ARFGEF1: variants seen among roughly 807,000 people sequenced by gnomAD.
The protein encoded by ARFGEF1 is brefeldin A-inhibited guanine nucleotide-exchange protein 1.
A neutral mutation model predicts 231.0 loss-of-function variants in ARFGEF1; 42 were observed. The ratio of observed to expected loss-of-function variants is 0.18; its 90% CI spans 0.14 to 0.24. ARFGEF1 has a LOEUF of 0.24. Among genes scored for constraint, ARFGEF1 ranks in the 10% least tolerant of loss-of-function variants. The pLI is 1.00. For missense variants in ARFGEF1, 1,345 were observed against 2,192.0 expected (o/e 0.61, Z 7.72); for synonymous variants, 710 against 732.3 (o/e 0.97, Z 0.49).
intron 22 of ARFGEF1, among the ~76,000 whole-genome samples, chr8:67,233,242 A>G (rs1030514249): frequency 6.6e-6 from 1 of 151,950 alleles, no homozygotes; most frequent in Admixed American, 6.6e-5. Context: ...ATTTCCCTTA[A>G]TGTTTAAAGA....
At chr8:67,275,862 T>A (rs1424883992) in intron 9 of ARFGEF1, 114 bp downstream of exon 9, 1 of 1,368,500 alleles carries the variant, frequency 7.3e-7, no homozygotes, top group Admixed American at 2.7e-5. Context: ...CCACCCAATT[T>A]TTTTTTATGG....
At chr8:67,268,889 T>G (rs543343023) in intron 10 of ARFGEF1, among the ~76,000 whole-genome samples, 2 of 152,284 alleles carry the variant, frequency 1.3e-5, no homozygotes, top group East Asian at 3.9e-4. Flanking sequence ...GCAACTTTCA[T>G]GAAAAGTCAG....
intron 7 of ARFGEF1, among the ~76,000 whole-genome samples, chr8:67,279,531 T>C (rs971904867): frequency 2.6e-5 from 4 of 152,186 alleles, no homozygotes; most frequent in Admixed American, 1.3e-4. Flanking sequence ...TCAGCTCGTG[T>C]TCATTTTCTT....
At chr8:67,279,034 T>A (rs1587201768) in intron 7 of ARFGEF1, among the ~76,000 whole-genome samples, 1 of 152,044 alleles carries the variant, frequency 6.6e-6, no homozygotes, top group Admixed American at 6.6e-5. Flanking sequence ...CAGGCCAAGG[T>A]GGGAGGATCA....
At chr8:67,253,357 T>C (rs1461730680) in intron 18 of ARFGEF1, 94 bp downstream of exon 18, 24 of 899,170 alleles carry the variant, frequency 2.7e-5, no homozygotes, top group Non-Finnish European at 3.6e-5. Flanking sequence ...GGACTATAAA[T>C]GCAAACCACC....
downstream of ARFGEF1, chr8:67,175,131 G>T: frequency 1.6e-6 from 1 of 615,324 alleles, no homozygotes. Context: ...ATATTCTTTA[G>T]TTTTGTGGCT....
chr8:67,183,608 A>G (rs891428321), intron 5 of ARFGEF1, among the ~76,000 whole-genome samples: 6 of 152,216 alleles, frequency 3.9e-5, no homozygotes, highest in African/African-American at 1.2e-4. Context: ...CTAAATGAAA[A>G]TGAAAATACA....
chr8:67,260,017 C>T, intron 14 of ARFGEF1, 91 bp from the exon 15 acceptor site: 4 of 736,560 alleles, frequency 5.4e-6, no homozygotes, highest in Non-Finnish European at 8.9e-6. Context: ...CTAATAGCAC[C>T]CAGAAAATAG....
intron 12 of ARFGEF1, 24 bp downstream of exon 12, chr8:67,267,067 T>C: frequency 6.2e-7 from 1 of 1,609,908 alleles, no homozygotes; most frequent in Non-Finnish European, 8.5e-7. Context: ...AGTTTAAATT[T>C]GAAAATGTTT....
At chr8:67,269,066 G>A (rs1262808840) in intron 10 of ARFGEF1, among the ~76,000 whole-genome samples, 1 of 151,860 alleles carries the variant, frequency 6.6e-6, no homozygotes, top group Non-Finnish European at 1.5e-5. Context: ...ATCATAATAG[G>A]GGCTCTAAAA....
rs998708870 is a variant in ARFGEF1 at position 67,244,747 on chromosome 8, G to A, written c.2851-4457C>T. Among the ~76,000 whole-genome samples the A allele has an allele frequency of 2.0e-5, 3 of 150,136 alleles. 1 individual carries two copies. The Admixed American group carries it at 2.0e-4, about 10-fold the overall frequency. On this transcript the variant is annotated intron_variant, in intron 19 of 38. Coordinates refer to ENST00000262215, the MANE Select transcript of ARFGEF1 (RefSeq NM_006421.5). Reference sequence around the variant, plus strand: ...AAAATCTGGAAAATAGTTTTAAAAGGGCAATTCTAAAAGTTATTGGTCTTC... The same window carrying A: ...AAAATCTGGAAAATAGTTTTAAAAGAGCAATTCTAAAAGTTATTGGTCTTC...
downstream of ARFGEF1, chr8:67,175,074 A>T: frequency 2.1e-6 from 1 of 476,968 alleles, no homozygotes; most frequent in Admixed American, 3.4e-5. Flanking sequence ...GGTATTCCTT[A>T]TGTTGGTAAG....
intron 5 of ARFGEF1, chr8:67,179,783 T>A: frequency 1.1e-6 from 1 of 913,816 alleles, no homozygotes; most frequent in Admixed American, 1.8e-5. Context: ...GTGTGGAAAC[T>A]TGTGCCTCTT....
chr8:67,190,393 C>T (rs955482485), intron 5 of ARFGEF1, among the ~76,000 whole-genome samples: 23 of 151,750 alleles, frequency 1.5e-4, no homozygotes, highest in Non-Finnish European at 1.0e-4. Flanking sequence ...CGTGTTTGCC[C>T]GGGGCCAGCA....
intron 7 of ARFGEF1, among the ~76,000 whole-genome samples, chr8:67,281,110 G>A (rs1051535378): frequency 6.6e-6 from 1 of 151,582 alleles, no homozygotes; most frequent in Admixed American, 6.6e-5. Flanking sequence ...GCAGTAGAAT[G>A]GATATTACTA....
intron 36 of ARFGEF1, chr8:67,201,820 T>TG: frequency 1.9e-6 from 1 of 537,432 alleles, no homozygotes; most frequent in African/African-American, 2.0e-5. Flanking sequence ...ACTTGTGGCC[T>TG]GGGAAGGTGG....
chr8:67,220,000 GC>G (rs1448517071), intron 29 of ARFGEF1, among the ~76,000 whole-genome samples: 2 of 152,110 alleles, frequency 1.3e-5, no homozygotes, highest in Non-Finnish European at 2.9e-5. Context: ...AATACTAGAA[GC>G]CTTATTCATG....
At chr8:67,193,031 G>C (rs1364828959), downstream of ARFGEF1, among the ~76,000 whole-genome samples, 1 of 152,184 alleles carries the variant, frequency 6.6e-6, no homozygotes, top group Non-Finnish European at 1.5e-5. Flanking sequence ...GATAAGCATA[G>C]GAGCCATAAT....
rs1025404529 is a variant in ARFGEF1, at chr8:67,176,649, C to T, written c.561-1077G>A. On this transcript the variant is annotated intron_variant, in intron 5 of 5. Coordinates refer to the ARFGEF1 transcript ENST00000518789. ...ATCTGATCTTGTGGGATTTTGGCAG[C>T]TTAGACTGATTAGCCCACAAGTAGT... Among the ~76,000 whole-genome samples the T allele has an allele frequency of 5.3e-5, 8 of 152,194 alleles. No homozygotes were observed. The East Asian group carries it at 7.7e-4, about 15-fold the overall frequency.
Sources: allele counts gnomAD v4.1 joint callset (sites outside exome capture counted in the v4.1 genomes callset), GRCh38; gene constraint gnomAD v4.1.1; transcripts MANE v1.5; gene names NCBI Gene and HGNC (gene_info 2026-07-23, HGNC 2026-07-21).